Variants in UMODL1 observed in about 807,000 individuals in gnomAD.
UMODL1 encodes the protein uromodulin like 1, also known as uromodulin-like 1.
In UMODL1, 128 loss-of-function variants were observed where a neutral mutation model predicts 136.3. The ratio of observed to expected loss-of-function variants is 0.94; its 90% CI spans 0.81 to 1.09. UMODL1 has a LOEUF of 1.09. Ranked by LOEUF, UMODL1 falls within the 50% of genes least tolerant of loss-of-function variation. The pLI is 0.00. For synonymous variants in UMODL1, 721 were observed against 720.0 expected (o/e 1.00, Z -0.02); for missense variants, 1,766 against 1,725.6 (o/e 1.02, Z -0.41).
At chr21:42,141,590 G>C (rs1349922171) in intron 22 of UMODL1, among the ~76,000 whole-genome samples, 1 of 152,244 alleles carries the variant, frequency 6.6e-6, no homozygotes, top group Non-Finnish European at 1.5e-5. Flanking sequence ...ACATCCGAGG[G>C]AAAACTGGCC....
At chr21:42,134,909 C>T (rs1212803404) in intron 21 of UMODL1, among the ~76,000 whole-genome samples, 1 of 152,116 alleles carries the variant, frequency 6.6e-6, no homozygotes, top group African/African-American at 2.4e-5. Flanking sequence ...TAGGCGTGAG[C>T]CACCTTGCCT....
At chr21:42,126,741 C>T (rs897528436) in intron 18 of UMODL1, among the ~76,000 whole-genome samples, 1 of 152,190 alleles carries the variant, frequency 6.6e-6, no homozygotes, top group Non-Finnish European at 1.5e-5. Flanking sequence ...AGGCCGCCAC[C>T]CAAGCCTCCA....
chr21:42,090,977 G>A (rs944862694), intron 6 of UMODL1, among the ~76,000 whole-genome samples: 4 of 152,170 alleles, frequency 2.6e-5, no homozygotes, highest in Admixed American at 6.5e-5. Flanking sequence ...TCTTCGAAAC[G>A]GGAAAAGGGT....
Position 42,119,338 on chromosome 21 carries a change from G to T in UMODL1, c.2689+14G>T. On this transcript the variant is annotated intron_variant, in intron 15 of 22. Coordinates refer to ENST00000408910, the MANE Select transcript of UMODL1 (RefSeq NM_001004416.3). Reference sequence around the variant, plus strand: ...CCTTCATACAGGGTACGAGAGGCTGGGATGGAGCCTCTCCCGTGTTCTGGA... The same window carrying T: ...CCTTCATACAGGGTACGAGAGGCTGTGATGGAGCCTCTCCCGTGTTCTGGA... 1.2e-6 allele frequency: 2 copies of T among 1,609,732 alleles called. No homozygotes were observed. The highest frequency in any genetic ancestry group is 1.7e-6 in the Non-Finnish European group (2 of 1,177,580).
chr21:42,123,869 G>A lies in UMODL1; in HGVS notation c.3147+719G>A, dbSNP rs1013365410. Among the ~76,000 whole-genome samples the A allele has an allele frequency of 6.6e-6, 1 of 152,226 alleles. No individual in the cohort carries two copies. The highest frequency in any genetic ancestry group is 1.5e-5 in the Non-Finnish European group (1 of 68,040). On this transcript the variant is annotated intron_variant, in intron 17 of 22. Transcript: ENST00000408910. This position sits in a 1 kb window ranked among gnomAD's most constrained non-coding sequence, Gnocchi z 4.4. ...CTCTGTCGGAGGGACTGTGTTCCTA[G>A]CGAACATTCTCTATTTCAGGGTCCT...
In UMODL1 at chr21:42,142,374, C is replaced by G. The variant is rs1391913593; in HGVS notation, c.*300C>G. 6.6e-6 allele frequency: 1 copy of G among 152,382 alleles called. No homozygotes were observed. Among genetic ancestry groups the G allele is most frequent in the East Asian group, 1.9e-4 (1 of 5,198 alleles). The allele number at this position is 152,382 out of a possible 1,614,324, so 9.4% of individuals were successfully genotyped here. A position where few individuals can be genotyped will look rare whatever the true frequency, so the allele number is the denominator to read the frequency against. The stretch of plus-strand genomic sequence containing the variant: ...AGGGGCTGCGGAAGACGGGGGCAGT[C>G]CTGGGGGTGCTGCGGCTACACCACC... On this transcript the variant is annotated 3_prime_UTR_variant, in exon 23 of 23. Coordinates refer to ENST00000408910, the MANE Select transcript of UMODL1 (RefSeq NM_001004416.3).
intron 14 of UMODL1, among the ~76,000 whole-genome samples, chr21:42,116,337 G>C (rs2066902140): frequency 6.6e-6 from 1 of 150,888 alleles, no homozygotes; most frequent in Admixed American, 6.6e-5. Context: ...CTGGACAACA[G>C]AGTGAAACCC....
In UMODL1 at chr21:42,131,344, T is replaced by C. The variant is rs945820627; in HGVS notation, c.3775+1547T>C. Among the ~76,000 whole-genome samples the C allele has an allele frequency of 1.7e-4, 26 of 150,692 alleles. No homozygotes were observed. In the East Asian group the frequency reaches 1.8e-3, roughly 10 times the overall value. ...CAGAATCTGAATGCTGCTCAGGTCT[T>C]GGCCATGAAGCTGGGGAACAGGAGG... On this transcript the variant is annotated intron_variant, in intron 21 of 22. Transcript: ENST00000408910.
intron 6 of UMODL1, 55 bp downstream of exon 6, chr21:42,090,493 C>G (rs553180772): frequency 2.8e-5 from 45 of 1,596,112 alleles, no homozygotes; most frequent in Non-Finnish European, 3.7e-5. Flanking sequence ...CTGTTTGCCC[C>G]GGGAATACTC....
In UMODL1 at chr21:42,125,791, G is replaced by A. The variant is rs576252192; in HGVS notation, c.3148-554G>A. Among the ~76,000 whole-genome samples, 98 of 152,226 alleles carry A rather than the reference G, an allele frequency of 6.4e-4. 1 individual carries two copies. In the South Asian group the frequency reaches 0.02, roughly 31 times the overall value. ...TCTTGCAGGGCTGCGGGGCCAAGTG[G>A]AGGGGCTGAGGGTGCAGGACAGCCT... is the stretch of plus-strand genomic sequence containing the variant. On this transcript the variant is annotated intron_variant, in intron 17 of 22. Coordinates refer to ENST00000408910, the MANE Select transcript of UMODL1 (RefSeq NM_001004416.3).
intron 1 of UMODL1, among the ~76,000 whole-genome samples, chr21:42,074,212 G>A (rs1357609055): frequency 6.6e-6 from 1 of 152,202 alleles, no homozygotes; most frequent in African/African-American, 2.4e-5. Context: ...TGGAGCTGCT[G>A]GCAATCTTTG....
chr21:42,119,549 C>T (rs1445814894), intron 15 of UMODL1, among the ~76,000 whole-genome samples: 3 of 152,204 alleles, frequency 2.0e-5, no homozygotes, highest in Non-Finnish European at 2.9e-5. Flanking sequence ...GGTGAACCTG[C>T]AGATCCCCAG....
At chr21:42,125,846 C>T (rs1429110909) in intron 17 of UMODL1, among the ~76,000 whole-genome samples, 2 of 152,216 alleles carry the variant, frequency 1.3e-5, no homozygotes, top group Admixed American at 6.5e-5. Context: ...ACCCACACAG[C>T]GGCAGCTCCA....
upstream of UMODL1, among the ~76,000 whole-genome samples, chr21:42,068,255 C>T (rs1195353156): frequency 6.6e-6 from 1 of 152,192 alleles, no homozygotes; most frequent in African/African-American, 2.4e-5. This position sits in a 1 kb window ranked among gnomAD's most constrained non-coding sequence, Gnocchi z 5.5. Context: ...TCCTCAAGGT[C>T]GTGTGAGCAC....
chr21:42,077,294 T>A (rs1277258233), intron 2 of UMODL1, among the ~76,000 whole-genome samples: 1 of 151,888 alleles, frequency 6.6e-6, no homozygotes, highest in Non-Finnish European at 1.5e-5. Context: ...GGCCTGAGAC[T>A]GTTGTACCCA....
In UMODL1 at chr21:42,142,990, T is replaced by C. The variant is rs970373371; in HGVS notation, c.*916T>C. 3.3e-5 allele frequency: 5 copies of C among 152,242 alleles called. No individual in the cohort carries two copies. The highest frequency in any genetic ancestry group is 7.3e-5 in the Non-Finnish European group (5 of 68,034). The allele number at this position is 152,242 out of a possible 1,614,324, so 9.4% of individuals were successfully genotyped here. On this transcript the variant is annotated 3_prime_UTR_variant, in exon 23 of 23. Coordinates refer to ENST00000408910, the MANE Select transcript of UMODL1 (RefSeq NM_001004416.3). ...TGAAATAAACTGGAATTGTATTAGA[T>C]AGCTCACACCTGAAAGTAGAGTGTT...
intron 21 of UMODL1, among the ~76,000 whole-genome samples, chr21:42,131,847 T>G (rs1258678800): frequency 6.6e-6 from 1 of 152,246 alleles, no homozygotes; most frequent in Non-Finnish European, 1.5e-5. Flanking sequence ...CTCCTCACTC[T>G]TCATTTTCTT....
Position 42,122,628 on chromosome 21 carries a change from T to G in UMODL1, c.2828-203T>G, listed in dbSNP as rs375493642. On this transcript the variant is annotated intron_variant, in intron 16 of 22. Coordinates refer to ENST00000408910, the MANE Select transcript of UMODL1 (RefSeq NM_001004416.3). This position sits in a 1 kb window ranked among gnomAD's most constrained non-coding sequence, Gnocchi z 4.3. ...GCATCTCTGCGTGCATGTGTGTGCA[T>G]GCACGTGTGTGTACGTGTGTGTGCA... Among the ~76,000 whole-genome samples the G allele has an allele frequency of 6.6e-5, 10 of 151,142 alleles. No homozygotes were observed. Among genetic ancestry groups the G allele is most frequent in the African/African-American group, 2.4e-4 (10 of 41,084 alleles).
At position 42,123,017 on chromosome 21, in the gene UMODL1, G is replaced by A. The variant is rs768514919; in HGVS notation, c.3014G>A (p.Arg1005His). 1.6e-5 allele frequency: 26 copies of A among 1,613,898 alleles called. No homozygotes were observed. Among genetic ancestry groups the A allele is most frequent in the Admixed American group, 5.0e-5 (3 of 59,988 alleles). Residue 1005 changes from arginine (R) to histidine (H), a missense_variant, in exon 17 of 23, where the codon CGC becomes CAC. Transcript: ENST00000408910. The surrounding 1 kb of genome is among the most constrained non-coding windows in gnomAD (Gnocchi z 4.4). Reference sequence around the variant, plus strand: ...AAGGTGGTTGTCGCCATCCAGAAGCGCTTCCTGCAGCAGGAATCCATCCCC... The same window carrying A: ...AAGGTGGTTGTCGCCATCCAGAAGCACTTCCTGCAGCAGGAATCCATCCCC... ...IEKVVVAIQKRFLQQESIPES... is the reference protein window; with the variant it reads ...IEKVVVAIQKHFLQQESIPES...
Sources: gnomAD v4.1 joint callset for allele counts (sites outside exome capture counted in the v4.1 genomes callset) on GRCh38, gnomAD v4.1.1 for gene constraint, Gnocchi (gnomAD v3.1) non-coding constraint, MANE v1.5 for transcripts, NCBI Gene and HGNC (gene_info 2026-07-23, HGNC 2026-07-21) for gene names.